Variants in TMEM231 observed in about 807,000 individuals in gnomAD.
The protein encoded by TMEM231 is transmembrane protein 231.
Under a neutral mutation model 38.5 loss-of-function variants are expected in TMEM231, and 40 were observed. The ratio of observed to expected loss-of-function variants is 1.04; its 90% CI spans 0.81 to 1.35. TMEM231 has a LOEUF of 1.35. TMEM231 is among the 40% of genes most tolerant of loss of function. The probability of loss-of-function intolerance (pLI) is 0.00; values close to 1 mark genes in which losing one functional copy is unlikely to be tolerated. For missense variants in TMEM231, 420 were observed against 416.9 expected (o/e 1.01, Z -0.07); for synonymous variants, 199 against 181.7 (o/e 1.10, Z -0.77).
Position 75,556,201 on chromosome 16 carries a change from G to T in TMEM231, c.9C>A (p.Leu3=). The T allele has an allele frequency of 6.9e-7, 1 of 1,459,682 alleles. No individual in the cohort carries two copies. The allele number at this position is 1,459,682 out of a possible 1,614,324, so 90.4% of individuals were successfully genotyped here. The part of the protein sequence containing the change: MA[L]YELFSHPVER... Reference sequence around the variant, plus strand: ...CGACCGGGTGAGAGAAGAGCTCATAGAGCGCCATGAGCACCGCTCGCAGGC... The same window carrying T: ...CGACCGGGTGAGAGAAGAGCTCATATAGCGCCATGAGCACCGCTCGCAGGC... Residue 3 remains leucine (L), a synonymous_variant, in exon 1 of 7, where the codon CTC becomes CTA. Transcript: ENST00000258173.
rs1315035961 is a variant in TMEM231 at position 75,545,931 on chromosome 16, C to T, written c.333G>A (p.Gln111=). The change falls in exon 3 of 7, where the codon CAG becomes CAA. Residue 111 remains glutamine (Q), a synonymous_variant. Transcript: ENST00000258173. ...AATGTAACATGTCCGTCTTCCCATC[C>T]TGGTTCCTGTCTTCTTCTCTAGTCT... The part of the protein sequence containing the change: ...LVSTREEDRN[Q]DGKTDMLHFK... The T allele has an allele frequency of 1.3e-6, 2 of 1,529,280 alleles. No individual in the cohort carries two copies. The highest frequency in any genetic ancestry group is 4.1e-5 in the Admixed American group (2 of 48,452). The allele number at this position is 1,529,280 out of a possible 1,614,324, so 94.7% of individuals were successfully genotyped here.
At position 75,548,595 on chromosome 16, in the gene TMEM231, G is replaced by A. The variant is rs1309123378; in HGVS notation, c.310-2641C>T. ...AAAATTTAACAGAAATTGGCCAGGC[G>A]TGGTGGCTTATGCCTATAATCCCAG... On this transcript the variant is annotated intron_variant, in intron 2 of 6. Coordinates refer to ENST00000258173, the MANE Select transcript of TMEM231 (RefSeq NM_001077418.3). Among the ~76,000 whole-genome samples, 7 of 152,192 alleles carry A rather than the reference G, an allele frequency of 4.6e-5. No individual in the cohort carries two copies. The East Asian group carries it at 5.8e-4, about 13-fold the overall frequency.
chr16:75,547,000 A>G (rs1372233020), intron 2 of TMEM231, among the ~76,000 whole-genome samples: 1 of 152,240 alleles, frequency 6.6e-6, no homozygotes. Flanking sequence ...TATGAAGCAT[A>G]TGTAGGCAGT....
chr16:75,545,248 C>T (rs1316199815), intron 4 of TMEM231, 104 bp downstream of exon 4: 6 of 1,487,368 alleles, frequency 4.0e-6, no homozygotes, highest in Admixed American at 2.0e-5. Flanking sequence ...GTATGAGCCA[C>T]TGCGCCTGGC....
intron 5 of TMEM231, 190 bp from the exon 6 acceptor site, chr16:75,541,645 T>C (rs1229883462): frequency 7.5e-6 from 3 of 397,416 alleles, no homozygotes; most frequent in African/African-American, 4.1e-5. Flanking sequence ...CAAAATACTT[T>C]TGTTAAAATA....
intron 2 of TMEM231, among the ~76,000 whole-genome samples, chr16:75,546,593 C>A (rs1001668064): frequency 6.6e-6 from 1 of 152,154 alleles, no homozygotes; most frequent in Non-Finnish European, 1.5e-5. Context: ...CAAGTGCCCA[C>A]CACCATGCCC....
intron 2 of TMEM231, among the ~76,000 whole-genome samples, chr16:75,550,712 G>A (rs2080749363): frequency 6.9e-6 from 1 of 144,576 alleles, no homozygotes; most frequent in Non-Finnish European, 1.5e-5. Flanking sequence ...CATTTAAGTC[G>A]TATTCTTTTT....
intron 6 of TMEM231, among the ~76,000 whole-genome samples, chr16:75,540,849 G>A (rs191192027): frequency 0.014 from 2,090 of 152,272 alleles, 58 homozygotes; most frequent in African/African-American, 0.048. Context: ...CAGACATACA[G>A]TCATTTTCTG....
At chr16:75,541,308 C>A in intron 6 of TMEM231, 42 bp downstream of exon 6, 1 of 1,452,894 alleles carries the variant, frequency 6.9e-7, no homozygotes, top group Non-Finnish European at 9.4e-7. Flanking sequence ...GCAGGAGCCA[C>A]CACATCCAGC....
chr16:75,545,121 AT>A (rs879855283), intron 4 of TMEM231, among the ~76,000 whole-genome samples: 6 of 151,138 alleles, frequency 4.0e-5, no homozygotes, highest in Non-Finnish European at 7.4e-5. Flanking sequence ...CGCCTGGCTA[AT>A]TTTTTGTATT....
At chr16:75,545,635 C>A (rs1172990904) in intron 3 of TMEM231, 140 bp from the exon 4 acceptor site, 12 of 628,434 alleles carry the variant, frequency 1.9e-5, no homozygotes, top group African/African-American at 7.4e-5. Flanking sequence ...CTGCCTAGAA[C>A]CTTCTGAGCT....
At chr16:75,550,622 T>C (rs2151706371) in intron 2 of TMEM231, among the ~76,000 whole-genome samples, 1 of 152,334 alleles carries the variant, frequency 6.6e-6, no homozygotes, top group South Asian at 2.1e-4. Flanking sequence ...GTGTGACTTT[T>C]TTCCCCGTCA....
chr16:75,538,700 G>A lies in TMEM231; in HGVS notation c.*1294C>T, dbSNP rs2550889. On this transcript the variant is annotated 3_prime_UTR_variant, in exon 7 of 7. Transcript: ENST00000258173. The stretch of plus-strand genomic sequence containing the variant: ...GTGGGCATGAAGCATGGATCACCGG[G>A]GCCATGTCCTTCCAGTGGCAATGAC... 5,391 of 152,228 alleles carry A rather than the reference G, an allele frequency of 0.035. 151 individuals carry two copies. Among genetic ancestry groups the A allele is most frequent in the African/African-American group, 0.077 (3,215 of 41,520 alleles). 9.4% of individuals were successfully genotyped at this position (152,228 alleles called of 1,614,324 possible).
chr16:75,542,177 C>T, intron 5 of TMEM231: 1 of 180,016 alleles, frequency 5.6e-6, no homozygotes, highest in Non-Finnish European at 1.2e-5. Context: ...AGGGGCACTC[C>T]TGTTCTCCTG....
chr16:75,540,839 C>G (rs1018709547), intron 6 of TMEM231, among the ~76,000 whole-genome samples: 1 of 152,164 alleles, frequency 6.6e-6, no homozygotes, highest in African/African-American at 2.4e-5. Context: ...ATATGAATAG[C>G]AGACATACAG....
chr16:75,550,805 C>T (rs2080751327), intron 2 of TMEM231, among the ~76,000 whole-genome samples: 1 of 151,740 alleles, frequency 6.6e-6, no homozygotes, highest in South Asian at 2.1e-4. Context: ...CAATCTCCGC[C>T]TCCCGGGTTC....
rs2080598845 is a variant in TMEM231, at chr16:75,539,792, C to A, written c.*202G>T. The A allele has an allele frequency of 2.3e-6, 1 of 444,336 alleles. No homozygotes were observed. The highest frequency in any genetic ancestry group is 2.0e-5 in the African/African-American group (1 of 49,540). 27.5% of individuals were successfully genotyped at this position (444,336 alleles called of 1,614,324 possible). On this transcript the variant is annotated 3_prime_UTR_variant, in exon 7 of 7. Transcript: ENST00000258173. ...GCCTCCAGGAACTCTCAGACCTTTC[C>A]ACAAACTAGTCCCTGACAATTCTGC...
intron 2 of TMEM231, among the ~76,000 whole-genome samples, chr16:75,550,721 T>C (rs1248216102): frequency 6.6e-6 from 1 of 150,512 alleles, no homozygotes; most frequent in African/African-American, 2.4e-5. Flanking sequence ...CGTATTCTTT[T>C]TTTTTTTTTT....
intron 4 of TMEM231, 129 bp downstream of exon 4, chr16:75,545,223 G>C (rs895807024): frequency 1.5e-6 from 2 of 1,329,016 alleles, no homozygotes; most frequent in Non-Finnish European, 2.1e-6. Context: ...GCCTCCCAAA[G>C]TGCTGGGATT....
Sources: gnomAD v4.1 joint callset for allele counts (sites outside exome capture counted in the v4.1 genomes callset) on GRCh38, gnomAD v4.1.1 for gene constraint, MANE v1.5 for transcripts, NCBI Gene and HGNC (gene_info 2026-07-23, HGNC 2026-07-21) for gene names.